Variants in NCAM2 observed in about 807,000 individuals in gnomAD.
NCAM2 encodes neural cell adhesion molecule 2.
A neutral mutation model predicts 98.1 loss-of-function variants in NCAM2; 30 were observed. That is an observed-to-expected ratio of 0.31 (90% CI 0.23 to 0.41). The LOEUF (loss-of-function observed/expected upper bound fraction) is 0.41. Among genes scored for constraint, NCAM2 ranks in the 10% least tolerant of loss-of-function variants. NCAM2 has a pLI of 1.00. For synonymous variants in NCAM2, 368 were observed against 342.4 expected, an observed-to-expected ratio of 1.07 and a Z score of -0.83; for missense variants, 867 against 1,005.8, an observed-to-expected ratio of 0.86 and a Z score of 1.87.
At chr21:21,057,032 G>C (rs1179017905) in intron 1 of NCAM2, among the ~76,000 whole-genome samples, 3 of 151,834 alleles carry the variant, frequency 2.0e-5, no homozygotes, top group Non-Finnish European at 4.4e-5. Flanking sequence ...TTCTCTTAAA[G>C]AGTGTTTCAT....
At position 21,508,844 on chromosome 21, in the gene NCAM2, T is replaced by TTTTTTTTTTTGGGGGTG; in HGVS notation, c.2078-4_2078-3insTTTTTTTGGGGGTGTTT. The TTTTTTTTTTTGGGGGTG allele has an allele frequency of 8.3e-7, 1 of 1,202,502 alleles. No homozygotes were observed. Among genetic ancestry groups the TTTTTTTTTTTGGGGGTG allele is most frequent in the Non-Finnish European group, 1.1e-6 (1 of 891,216 alleles). 74.5% of individuals were successfully genotyped at this position (1,202,502 alleles called of 1,614,324 possible). A position where few individuals can be genotyped will look rare whatever the true frequency, so the allele number is the denominator to read the frequency against. ...TTTTTTTTTTTTTTTTTTTTTTACTTTTTAAGACACGCTGTTTAATGGTCT... is the reference window on the plus strand; with the variant it reads ...TTTTTTTTTTTTTTTTTTTTTTACTTTTTTTTTTTTGGGGGTGTTTAAGACACGCTGTTTAATGGTCT... On this transcript the variant is annotated splice_polypyrimidine_tract_variant and splice_region_variant and intron_variant, in intron 15 of 17. Coordinates refer to ENST00000400546, the MANE Select transcript of NCAM2 (RefSeq NM_004540.5).
chr21:21,056,689 C>T (rs963235277), intron 1 of NCAM2, among the ~76,000 whole-genome samples: 6 of 151,814 alleles, frequency 4.0e-5, no homozygotes, highest in East Asian at 3.9e-4. Flanking sequence ...CAGGAAGAGT[C>T]GAAATTCTTC....
chr21:21,082,756 C>G (rs1344205904), intron 1 of NCAM2, among the ~76,000 whole-genome samples: 3 of 152,068 alleles, frequency 2.0e-5, no homozygotes, highest in Non-Finnish European at 4.4e-5. Flanking sequence ...CTGCCGTTTT[C>G]TCCTCTCCAT....
intron 1 of NCAM2, among the ~76,000 whole-genome samples, chr21:21,268,519 C>T (rs888736537): frequency 6.6e-6 from 1 of 152,192 alleles, no homozygotes; most frequent in Non-Finnish European, 1.5e-5. Flanking sequence ...CACATGCATT[C>T]ACATTCACAC....
intron 1 of NCAM2, among the ~76,000 whole-genome samples, chr21:21,271,238 T>C (rs2072485852): frequency 6.6e-6 from 1 of 152,214 alleles, no homozygotes; most frequent in South Asian, 2.1e-4. Flanking sequence ...TACATATTCA[T>C]GTATGCACAA....
chr21:21,194,073 A>G (rs141195711), intron 1 of NCAM2, among the ~76,000 whole-genome samples: 52 of 152,306 alleles, frequency 3.4e-4, no homozygotes, highest in Middle Eastern at 3.4e-3. Context: ...GATGACACGT[A>G]CAACCTACAT....
chr21:21,158,985 G>A (rs1248294791), intron 1 of NCAM2, among the ~76,000 whole-genome samples: 1 of 152,118 alleles, frequency 6.6e-6, no homozygotes. Flanking sequence ...GCTCCATGAT[G>A]TTATTGCCCC....
chr21:21,519,521 C>T (rs1046111887), intron 16 of NCAM2, among the ~76,000 whole-genome samples: 1 of 151,958 alleles, frequency 6.6e-6, no homozygotes, highest in Non-Finnish European at 1.5e-5. Context: ...GTTGTGCAGA[C>T]AACCAGGTGT....
At chr21:21,491,530 A>G (rs1275223879) in intron 15 of NCAM2, among the ~76,000 whole-genome samples, 1 of 151,804 alleles carries the variant, frequency 6.6e-6, no homozygotes. Flanking sequence ...TAATACTATA[A>G]GTAATATAAA....
intron 1 of NCAM2, among the ~76,000 whole-genome samples, chr21:21,027,017 C>T (rs2064563514): frequency 6.6e-6 from 1 of 151,832 alleles, no homozygotes; most frequent in Non-Finnish European, 1.5e-5. Flanking sequence ...CCATTGCCAC[C>T]CGACCAATTT....
chr21:21,211,858 A>G (rs957373511), intron 1 of NCAM2, among the ~76,000 whole-genome samples: 2 of 152,166 alleles, frequency 1.3e-5, no homozygotes, highest in African/African-American at 4.8e-5. Context: ...GCTCCTGAGG[A>G]TAGGAACTTG....
intron 1 of NCAM2, among the ~76,000 whole-genome samples, chr21:21,081,874 CACTT>C (rs1300572878): frequency 6.9e-6 from 1 of 145,500 alleles, no homozygotes; most frequent in Non-Finnish European, 1.5e-5. Flanking sequence ...AACAAACAAA[CACTT>C]TATTGATTGC....
chr21:21,149,241 C>CA (rs1375578554), intron 1 of NCAM2, among the ~76,000 whole-genome samples: 2 of 151,940 alleles, frequency 1.3e-5, no homozygotes, highest in South Asian at 2.1e-4. Context: ...GCAATTTTCT[C>CA]AAAAAAAGTC....
chr21:21,279,424 T>C (rs2072846870), intron 1 of NCAM2, among the ~76,000 whole-genome samples: 1 of 152,144 alleles, frequency 6.6e-6, no homozygotes, highest in Non-Finnish European at 1.5e-5. Flanking sequence ...AGTCGTGCGA[T>C]CTCGGCTCAC....
intron 15 of NCAM2, among the ~76,000 whole-genome samples, chr21:21,505,128 A>G (rs1166893501): frequency 2.0e-5 from 3 of 152,056 alleles, no homozygotes; most frequent in Admixed American, 6.6e-5. Flanking sequence ...TACGATTGTA[A>G]TAAGTTTATA....
intron 1 of NCAM2, among the ~76,000 whole-genome samples, chr21:21,179,524 A>G (rs1450847122): frequency 6.6e-6 from 1 of 152,164 alleles, no homozygotes; most frequent in African/African-American, 2.4e-5. Flanking sequence ...CCCACATGCT[A>G]TTGGTGTTAA....
Position 21,535,033 on chromosome 21 carries a change from G to A in NCAM2, c.2402+377G>A, listed in dbSNP as rs1027728335. Among the ~76,000 whole-genome samples the A allele has an allele frequency of 6.3e-4, 95 of 151,978 alleles. 1 individual carries two copies. The highest frequency in any genetic ancestry group is 5.3e-3 in the Admixed American group (81 of 15,238). ...AGGACATGTTAGGAAATTTGTCATC[G>A]CTTTGAATATAAATGTCATTGAAAT... On this transcript the variant is annotated intron_variant, in intron 17 of 17. Transcript: ENST00000400546.
At chr21:21,148,167 TTA>T (rs2067342781) in intron 1 of NCAM2, among the ~76,000 whole-genome samples, 1 of 152,190 alleles carries the variant, frequency 6.6e-6, no homozygotes, top group Non-Finnish European at 1.5e-5. Context: ...GCTAATCTTT[TTA>T]AGAAACAACT....
intron 5 of NCAM2, among the ~76,000 whole-genome samples, chr21:21,302,927 GA>G: frequency 6.6e-6 from 1 of 152,080 alleles, no homozygotes. Context: ...GCCATAAAAA[GA>G]ATGAAGTCAT....
Sources: allele counts gnomAD v4.1 joint callset (sites outside exome capture counted in the v4.1 genomes callset), GRCh38; gene constraint gnomAD v4.1.1; transcripts MANE v1.5; gene names NCBI Gene and HGNC (gene_info 2026-07-23, HGNC 2026-07-21).